FBXO17: variants seen among roughly 807,000 people sequenced by gnomAD.
FBXO17 encodes the protein F-box protein 17.
A neutral mutation model predicts 34.1 loss-of-function variants in FBXO17; 43 were observed. That is an observed-to-expected ratio of 1.26 (90% CI 0.99 to 1.62). FBXO17 has a LOEUF of 1.62. Ranked by LOEUF, FBXO17 falls within the 40% of genes most tolerant of loss-of-function variation. The pLI, the probability that FBXO17 is intolerant of heterozygous loss-of-function variation, is 0.00. For missense variants in FBXO17, 424 were observed against 386.7 expected (o/e 1.10, Z -0.81); for synonymous variants, 169 against 166.0 (o/e 1.02, Z -0.14).
At chr19:38,964,647 G>T (rs2084567632) in intron 1 of FBXO17, among the ~76,000 whole-genome samples, 2 of 151,958 alleles carry the variant, frequency 1.3e-5, no homozygotes, top group African/African-American at 4.8e-5. Context: ...AGCGCCTGTA[G>T]TCCCAGCTAC....
intron 2 of FBXO17, 121 bp downstream of exon 2, chr19:38,949,844 GCCCCGC>G: frequency 8.3e-7 from 1 of 1,203,690 alleles, no homozygotes; most frequent in Middle Eastern, 2.9e-4. Context: ...GCGTCCCTCA[GCCCCGC>G]CCCCTGGCTC....
intron 3 of FBXO17, 28 bp downstream of exon 3, chr19:38,948,539 A>T (rs1975020901): frequency 6.3e-7 from 1 of 1,587,442 alleles, no homozygotes; most frequent in African/African-American, 1.3e-5. Flanking sequence ...TGCCCCAGGG[A>T]TCGGGGCCTC....
At chr19:38,946,689 C>A in intron 3 of FBXO17, 122 bp from the exon 4 acceptor site, 1 of 1,398,436 alleles carries the variant, frequency 7.2e-7, no homozygotes, top group Non-Finnish European at 9.7e-7. Context: ...TCAGGGTTTG[C>A]TCTAGCAGAC....
At chr19:38,951,149 C>A (rs1227967620) in intron 1 of FBXO17, among the ~76,000 whole-genome samples, 1 of 152,084 alleles carries the variant, frequency 6.6e-6, no homozygotes, top group Admixed American at 6.6e-5. Flanking sequence ...AAGTCATCAA[C>A]CTCCTCGGAC....
rs375924400 is a variant in FBXO17 at position 38,975,041 on chromosome 19, G to C, written c.-18+545C>G. Among the ~76,000 whole-genome samples the C allele has an allele frequency of 8.3e-4, 127 of 152,330 alleles. No homozygotes were observed. The South Asian group carries it at 8.9e-3, about 11-fold the overall frequency. ...ATACAGAGCTTTCGAACATATCACT[G>C]AACATTGCAAAAGTAACTTGGCAGA... On this transcript the variant is annotated intron_variant, in intron 1 of 5. Coordinates refer to ENST00000292852, the MANE Select transcript of FBXO17 (RefSeq NM_024907.7). The surrounding 1 kb of genome is among the most constrained non-coding windows in gnomAD (Gnocchi z 4.9).
intron 2 of FBXO17, 91 bp downstream of exon 2, chr19:38,949,880 T>C (rs1975046679): frequency 7.2e-7 from 1 of 1,382,294 alleles, no homozygotes; most frequent in Non-Finnish European, 9.4e-7. Context: ...TCTCGCCCAT[T>C]GGCTACATCT....
At chr19:38,971,374 C>T (rs904911427) in intron 1 of FBXO17, among the ~76,000 whole-genome samples, 3 of 152,056 alleles carry the variant, frequency 2.0e-5, no homozygotes, top group Non-Finnish European at 2.9e-5. Context: ...AGGACAGACA[C>T]GCTTAGGAAA....
chr19:38,951,653 ATTTT>A (rs578199067), intron 1 of FBXO17, among the ~76,000 whole-genome samples: 1 of 129,294 alleles, frequency 7.7e-6, no homozygotes, highest in African/African-American at 2.9e-5. Flanking sequence ...TTGGCTTTCT[ATTTT>A]TTTTTTTTTT....
chr19:38,948,476 G>A, intron 3 of FBXO17, 91 bp downstream of exon 3: 5 of 875,890 alleles, frequency 5.7e-6, no homozygotes, highest in Non-Finnish European at 9.0e-6. Flanking sequence ...AGGAGAGGGT[G>A]AAGGTGACGA....
At chr19:38,950,447 A>G (rs1023696459) in intron 1 of FBXO17, 111 bp from the exon 2 acceptor site, 86 of 1,313,588 alleles carry the variant, frequency 6.5e-5, no homozygotes, top group Non-Finnish European at 8.2e-5. Context: ...CATTAGGTCC[A>G]TGGGCAACCA....
intron 1 of FBXO17, among the ~76,000 whole-genome samples, chr19:38,973,978 G>C (rs1326423915): frequency 9.1e-6 from 1 of 109,962 alleles, no homozygotes; most frequent in East Asian, 2.9e-4. Flanking sequence ...GTTTTGATTT[G>C]ATTTGATTTG....
Position 38,975,442 on chromosome 19 carries a change from G to C in FBXO17, c.-18+144C>G, listed in dbSNP as rs1975448473. ...CCGAGGGAGGGCCCGGGAAAGCGAC[G>C]CTGCGGGTTATGGGACTCCCAGGGA... On this transcript the variant is annotated intron_variant, in intron 1 of 5. Transcript: ENST00000292852. This position sits in a 1 kb window ranked among gnomAD's most constrained non-coding sequence, Gnocchi z 4.9. 1 of 152,274 alleles carries C rather than the reference G, an allele frequency of 6.6e-6. No individual in the cohort carries two copies. Among genetic ancestry groups the C allele is most frequent in the African/African-American group, 2.4e-5 (1 of 41,454 alleles). 9.4% of individuals were successfully genotyped at this position (152,274 alleles called of 1,614,324 possible). A position where few individuals can be genotyped will look rare whatever the true frequency, so the allele number is the denominator to read the frequency against.
intron 1 of FBXO17, among the ~76,000 whole-genome samples, chr19:38,954,982 A>G (rs11669217): frequency 0.31 from 45,307 of 147,418 alleles, 7,305 homozygotes; most frequent in East Asian, 0.57. Context: ...CCAGCCTGGA[A>G]TGCAGTGGTG....
intron 3 of FBXO17, 146 bp from the exon 4 acceptor site, chr19:38,946,713 A>T: frequency 8.7e-7 from 1 of 1,144,878 alleles, no homozygotes; most frequent in Non-Finnish European, 1.2e-6. Flanking sequence ...AAGATGCATG[A>T]TGGGCTATAC....
chr19:38,948,157 G>A (rs1021692677), intron 3 of FBXO17, among the ~76,000 whole-genome samples: 1 of 151,912 alleles, frequency 6.6e-6, no homozygotes, highest in Non-Finnish European at 1.5e-5. Context: ...TGTCTTTTTA[G>A]TAGAGACGGG....
chr19:38,956,851 C>T (rs1001097162), intron 1 of FBXO17, among the ~76,000 whole-genome samples: 5 of 151,442 alleles, frequency 3.3e-5, no homozygotes, highest in Non-Finnish European at 7.4e-5. Flanking sequence ...CTGCACACAG[C>T]GAGACTCTGC....
intron 1 of FBXO17, among the ~76,000 whole-genome samples, chr19:38,963,574 T>G (rs1455089801): frequency 6.6e-6 from 1 of 152,182 alleles, no homozygotes; most frequent in Admixed American, 6.6e-5. Context: ...ATTACAGGCA[T>G]GAGCCACCGC....
intron 1 of FBXO17, among the ~76,000 whole-genome samples, chr19:38,969,588 CTTT>C (rs67681512): frequency 7.7e-5 from 8 of 103,492 alleles, no homozygotes; most frequent in African/African-American, 3.0e-4. Context: ...AACCACTGGG[CTTT>C]TTTTTTTTTT....
At chr19:38,966,469 C>T (rs553941320) in intron 1 of FBXO17, among the ~76,000 whole-genome samples, 14 of 152,056 alleles carry the variant, frequency 9.2e-5, no homozygotes, top group Non-Finnish European at 1.9e-4. Flanking sequence ...GAACAAGGGA[C>T]CTTGCATTTT....
Sources: gnomAD v4.1 joint callset for allele counts (sites outside exome capture counted in the v4.1 genomes callset) on GRCh38, gnomAD v4.1.1 for gene constraint, Gnocchi (gnomAD v3.1) non-coding constraint, MANE v1.5 for transcripts, NCBI Gene and HGNC (gene_info 2026-07-23, HGNC 2026-07-21) for gene names.